The following ASIC2 variants were observed in gnomAD, a reference collection of about 807,000 sequenced individuals.
The protein encoded by ASIC2 is acid sensing ion channel subunit 2.
A neutral mutation model predicts 57.3 loss-of-function variants in ASIC2; 25 were observed. The observed-to-expected ratio is 0.44, with a 90% CI of 0.32 to 0.61. The LOEUF (loss-of-function observed/expected upper bound fraction) is 0.61, where lower values mean the gene tolerates loss of function less well. Ranked by LOEUF, ASIC2 falls within the 20% of genes least tolerant of loss-of-function variation. The pLI, the probability that ASIC2 is intolerant of heterozygous loss-of-function variation, is 0.06. For missense variants in ASIC2, 641 were observed against 738.1 expected (o/e 0.87, Z 1.52); for synonymous variants, 319 against 307.5 (o/e 1.04, Z -0.39).
At chr17:33,889,961 G>C (rs936800691) in intron 1 of ASIC2, among the ~76,000 whole-genome samples, 2 of 152,136 alleles carry the variant, frequency 1.3e-5, no homozygotes, top group Admixed American at 6.5e-5. Flanking sequence ...CCTCCTTCTA[G>C]CATTTGTATA....
rs551441236 is a variant in ASIC2, at chr17:33,907,445, A to G, written c.555+248533T>C. Among the ~76,000 whole-genome samples the G allele has an allele frequency of 1.4e-4, 21 of 152,228 alleles. 1 individual carries two copies. The highest frequency in any genetic ancestry group is 2.1e-4 in the South Asian group (1 of 4,826). ...GGTGCTCCATTTCCATGCACCTCCC[A>G]TTTGACTATCTCTGCTTGCTTCTCA... On this transcript the variant is annotated intron_variant, in intron 1 of 9. Transcript: ENST00000359872.
chr17:34,135,089 G>A (rs1344783568), intron 1 of ASIC2, among the ~76,000 whole-genome samples: 2 of 152,230 alleles, frequency 1.3e-5, no homozygotes, highest in African/African-American at 2.4e-5. Flanking sequence ...GGAATGCTTT[G>A]CTAGAAGTGG....
chr17:33,978,633 C>T (rs937426462), intron 1 of ASIC2, among the ~76,000 whole-genome samples: 5 of 152,100 alleles, frequency 3.3e-5, no homozygotes, highest in Non-Finnish European at 7.3e-5. Context: ...TTTCTGACAC[C>T]ACCTGTGTCA....
chr17:33,727,341 T>C (rs1597851665), intron 1 of ASIC2, among the ~76,000 whole-genome samples: 1 of 152,290 alleles, frequency 6.6e-6, no homozygotes, highest in East Asian at 1.9e-4. Flanking sequence ...GCCTTTAAAA[T>C]CTCAGTTTTA....
intron 1 of ASIC2, among the ~76,000 whole-genome samples, chr17:33,934,490 G>C (rs895785138): frequency 2.6e-5 from 4 of 152,172 alleles, no homozygotes; most frequent in African/African-American, 9.7e-5. Context: ...AGTCCACAAG[G>C]TATTAAAACC....
chr17:33,583,813 A>G (rs111371551), intron 1 of ASIC2, among the ~76,000 whole-genome samples: 2,790 of 152,234 alleles, frequency 0.018, 81 homozygotes, highest in African/African-American at 0.061. Context: ...CCACGGTTTC[A>G]TTTTATTCAG....
At chr17:33,510,311 A>T (rs1449422069) in intron 1 of ASIC2, among the ~76,000 whole-genome samples, 1 of 152,214 alleles carries the variant, frequency 6.6e-6, no homozygotes, top group African/African-American at 2.4e-5. Flanking sequence ...AACATTTAAA[A>T]ATCAGAAGAA....
intron 3 of ASIC2, among the ~76,000 whole-genome samples, chr17:33,063,051 T>A (rs542090317): frequency 6.6e-6 from 1 of 152,344 alleles, no homozygotes; most frequent in South Asian, 2.1e-4. Flanking sequence ...TGAGCCCATA[T>A]GTGTCCCTCA....
intron 1 of ASIC2, among the ~76,000 whole-genome samples, chr17:33,631,216 T>A (rs1906157472): frequency 6.6e-6 from 1 of 151,998 alleles, no homozygotes; most frequent in Non-Finnish European, 1.5e-5. Flanking sequence ...TATTGGAGAG[T>A]CAGAAATCTG....
chr17:33,163,378 C>T (rs1341956374), intron 1 of ASIC2, among the ~76,000 whole-genome samples: 1 of 152,058 alleles, frequency 6.6e-6, no homozygotes, highest in African/African-American at 2.4e-5. Context: ...CCCGCACTGA[C>T]ATCTCAGCAT....
At chr17:34,132,232 C>T (rs1016834388) in intron 1 of ASIC2, among the ~76,000 whole-genome samples, 1 of 152,128 alleles carries the variant, frequency 6.6e-6, no homozygotes, top group African/African-American at 2.4e-5. Context: ...TTCGTGGTGT[C>T]GCTGACTTCA....
At chr17:33,758,322 T>A (rs1240732611) in intron 1 of ASIC2, among the ~76,000 whole-genome samples, 1 of 152,210 alleles carries the variant, frequency 6.6e-6, no homozygotes, top group African/African-American at 2.4e-5. Flanking sequence ...GATTTTGTAA[T>A]GAGATTCACA....
chr17:34,092,607 G>A (rs1910372825), intron 1 of ASIC2, among the ~76,000 whole-genome samples: 1 of 152,158 alleles, frequency 6.6e-6, no homozygotes, highest in Non-Finnish European at 1.5e-5. Context: ...ACTTCTAGAG[G>A]CAGTAAAGGG....
Position 33,020,046 on chromosome 17 carries a change from CT to C in ASIC2, c.1441+1172del, listed in dbSNP as rs540871387. 4.8e-3 allele frequency among the ~76,000 whole-genome samples: 732 copies of C among 152,150 alleles called. 3 individuals carry two copies. Among genetic ancestry groups the C allele is most frequent in the African/African-American group, 0.016 (660 of 41,504 alleles). Reference sequence around the variant, plus strand: ...GGGAATGAGTCTCTTGGCTCAGTACCTTTGGCCACAATGACTTCTGAGGCTG... The same window carrying C: ...GGGAATGAGTCTCTTGGCTCAGTACCTTGGCCACAATGACTTCTGAGGCTG... On this transcript the variant is annotated intron_variant, in intron 7 of 9. Coordinates refer to ENST00000225823, the MANE Select transcript of ASIC2 (RefSeq NM_183377.2).
At chr17:33,997,086 T>G (rs1906184191) in intron 1 of ASIC2, among the ~76,000 whole-genome samples, 1 of 152,126 alleles carries the variant, frequency 6.6e-6, no homozygotes, top group South Asian at 2.1e-4. Context: ...AATTTAGTCC[T>G]AAGTATTTGT....
intron 1 of ASIC2, among the ~76,000 whole-genome samples, chr17:33,573,619 G>A (rs760383614): frequency 1.3e-4 from 20 of 152,158 alleles, no homozygotes; most frequent in African/African-American, 2.2e-4. Context: ...AGCCTGGAGA[G>A]CAGTGTCATG....
chr17:33,382,151 A>C (rs1370070495), intron 1 of ASIC2, among the ~76,000 whole-genome samples: 2 of 152,106 alleles, frequency 1.3e-5, no homozygotes, highest in Non-Finnish European at 2.9e-5. Flanking sequence ...TCCAGGACTC[A>C]AGTGGGAGAA....
intron 1 of ASIC2, among the ~76,000 whole-genome samples, chr17:33,778,482 T>C (rs76316066): frequency 0.015 from 2,213 of 152,278 alleles, 49 homozygotes; most frequent in African/African-American, 0.05. Flanking sequence ...AATCCCATTA[T>C]CCATTGGATG....
intron 1 of ASIC2, among the ~76,000 whole-genome samples, chr17:33,248,740 C>T (rs145204471): frequency 1.3e-5 from 2 of 152,334 alleles, no homozygotes; most frequent in African/African-American, 2.4e-5. Flanking sequence ...TGGTCACATT[C>T]TCCTCCTCTC....
Sources: gnomAD v4.1 joint callset for allele counts (sites outside exome capture counted in the v4.1 genomes callset) on GRCh38, gnomAD v4.1.1 for gene constraint, MANE v1.5 for transcripts, NCBI Gene and HGNC (gene_info 2026-07-23, HGNC 2026-07-21) for gene names.